Variants in CACNA2D3 observed in about 807,000 individuals in gnomAD.
CACNA2D3 encodes the protein voltage-dependent calcium channel subunit alpha-2/delta-3.
CACNA2D3 carries 60 observed loss-of-function variants against 160.6 expected under a neutral mutation model. The observed-to-expected ratio is 0.37, with a 90% CI of 0.30 to 0.46. The LOEUF is 0.46. Among genes scored for constraint, CACNA2D3 ranks in the 20% least tolerant of loss-of-function variants. The pLI is 1.00. For synonymous variants in CACNA2D3, 558 were observed against 492.9 expected, an observed-to-expected ratio of 1.13 and a Z score of -1.75; for missense variants, 1,205 against 1,365.0, an observed-to-expected ratio of 0.88 and a Z score of 1.85.
At chr3:55,046,045 T>C (rs1039330346) in intron 35 of CACNA2D3, among the ~76,000 whole-genome samples, 1 of 149,718 alleles carries the variant, frequency 6.7e-6, no homozygotes, top group Non-Finnish European at 1.5e-5. Flanking sequence ...CTGAAGTACT[T>C]CTTTAACTAT....
chr3:54,926,124 C>T (rs987033699), intron 27 of CACNA2D3, among the ~76,000 whole-genome samples: 2 of 152,124 alleles, frequency 1.3e-5, no homozygotes, highest in Non-Finnish European at 2.9e-5. Context: ...AAGCCCTTTT[C>T]CTCACACCAT....
chr3:54,580,956 G>T (rs949748979), intron 8 of CACNA2D3, among the ~76,000 whole-genome samples: 3 of 152,192 alleles, frequency 2.0e-5, no homozygotes, highest in East Asian at 3.9e-4. Flanking sequence ...GGGAATAATG[G>T]CTGGCCAGGA....
At chr3:54,785,746 G>A (rs1702628704) in intron 13 of CACNA2D3, among the ~76,000 whole-genome samples, 3 of 152,202 alleles carry the variant, frequency 2.0e-5, no homozygotes, top group African/African-American at 7.2e-5. Context: ...CCAAAAGATA[G>A]TGGCCCAGAT....
intron 5 of CACNA2D3, among the ~76,000 whole-genome samples, chr3:54,540,325 A>G (rs1171293708): frequency 1.3e-5 from 2 of 152,224 alleles, no homozygotes; most frequent in Non-Finnish European, 2.9e-5. Flanking sequence ...CAAGTAAGAA[A>G]CAATAGTGAA....
chr3:54,626,712 A>C, intron 9 of CACNA2D3: 7 of 721,786 alleles, frequency 9.7e-6, no homozygotes, highest in East Asian at 2.8e-5. Flanking sequence ...AAAAAAAAGA[A>C]AGAAAAAGAA....
chr3:54,463,865 A>T (rs915043823), intron 4 of CACNA2D3, among the ~76,000 whole-genome samples: 1 of 151,884 alleles, frequency 6.6e-6, no homozygotes, highest in African/African-American at 2.4e-5. Context: ...TAGAGTTTCC[A>T]GTTTTTCTGC....
chr3:54,767,108 A>G (rs116471097), intron 13 of CACNA2D3, among the ~76,000 whole-genome samples: 251 of 151,974 alleles, frequency 1.7e-3, no homozygotes, highest in African/African-American at 5.7e-3. Context: ...CACAACTCTG[A>G]GTATACCTTT....
intron 5 of CACNA2D3, among the ~76,000 whole-genome samples, chr3:54,550,696 G>C (rs1008668968): frequency 6.6e-6 from 1 of 152,142 alleles, no homozygotes; most frequent in Admixed American, 6.5e-5. Context: ...TCCCATTTAC[G>C]TGTGATCTAA....
chr3:54,745,161 CAG>C (rs1575453859), intron 11 of CACNA2D3, among the ~76,000 whole-genome samples: 1 of 152,244 alleles, frequency 6.6e-6, no homozygotes, highest in Admixed American at 6.5e-5. Flanking sequence ...GATGAGTGGG[CAG>C]AGAGAGAGAT....
chr3:54,924,960 T>A, intron 27 of CACNA2D3: 1 of 1,611,050 alleles, frequency 6.2e-7, no homozygotes, highest in Admixed American at 1.7e-5. Flanking sequence ...AGGGGCCAGA[T>A]TTGAAAGGGA....
intron 2 of CACNA2D3, among the ~76,000 whole-genome samples, chr3:54,313,692 C>T (rs58970130): frequency 0.054 from 8,171 of 151,936 alleles, 714 homozygotes; most frequent in African/African-American, 0.18. Context: ...CTCTGGACTT[C>T]CCTCCTTGCT....
At chr3:54,215,596 TTC>T (rs140457360) in intron 2 of CACNA2D3, among the ~76,000 whole-genome samples, 2,745 of 152,248 alleles carry the variant, frequency 0.018, 118 homozygotes, top group East Asian at 0.14. Flanking sequence ...CCAGGAAATG[TTC>T]TCTTTTCCAA....
intron 11 of CACNA2D3, among the ~76,000 whole-genome samples, chr3:54,654,363 A>C (rs1368836646): frequency 1.3e-5 from 2 of 152,204 alleles, no homozygotes; most frequent in Non-Finnish European, 2.9e-5. Flanking sequence ...AGTGCCACTC[A>C]GTGTGGTTGT....
intron 2 of CACNA2D3, among the ~76,000 whole-genome samples, chr3:54,256,682 TACTG>T (rs1179121506): frequency 6.6e-6 from 1 of 151,742 alleles, no homozygotes; most frequent in East Asian, 1.9e-4. Flanking sequence ...TGCTCTCTGT[TACTG>T]ACACCATCAA....
chr3:54,665,595 CAT>C (rs1453916787), intron 11 of CACNA2D3, among the ~76,000 whole-genome samples: 3 of 152,076 alleles, frequency 2.0e-5, no homozygotes, highest in South Asian at 4.1e-4. Flanking sequence ...AATCCCAAAA[CAT>C]AAAGATTTCT....
At chr3:54,282,404 G>A (rs7643501) in intron 2 of CACNA2D3, among the ~76,000 whole-genome samples, 79,705 of 152,014 alleles carry the variant, frequency 0.52, 21,059 homozygotes, top group East Asian at 0.66. Flanking sequence ...CCATTAGCCA[G>A]CAACAAACCA....
At chr3:54,410,499 G>A (rs1575440337) in intron 4 of CACNA2D3, among the ~76,000 whole-genome samples, 1 of 152,234 alleles carries the variant, frequency 6.6e-6, no homozygotes, top group South Asian at 2.1e-4. Flanking sequence ...AGAACCCTAG[G>A]GCCCTTAAGA....
At chr3:54,349,911 A>G (rs1439346141) in intron 3 of CACNA2D3, among the ~76,000 whole-genome samples, 2 of 152,234 alleles carry the variant, frequency 1.3e-5, no homozygotes, top group Non-Finnish European at 2.9e-5. Flanking sequence ...GCTGGCTGCC[A>G]TGACGTAAAT....
intron 11 of CACNA2D3, among the ~76,000 whole-genome samples, chr3:54,674,681 G>T (rs2106903679): frequency 6.6e-6 from 1 of 151,174 alleles, no homozygotes; most frequent in South Asian, 2.1e-4. Flanking sequence ...GTGAGCCTTG[G>T]AATCTGAGGT....
Sources: gnomAD v4.1 joint callset for allele counts (sites outside exome capture counted in the v4.1 genomes callset) on GRCh38, gnomAD v4.1.1 for gene constraint, MANE v1.5 for transcripts, NCBI Gene and HGNC (gene_info 2026-07-23, HGNC 2026-07-21) for gene names.